Variants in TMEM116 observed in about 807,000 individuals in gnomAD.
TMEM116 encodes the protein transmembrane protein 116.
TMEM116 carries 38 observed loss-of-function variants against 44.3 expected under a neutral mutation model. The ratio of observed to expected loss-of-function variants is 0.86; its 90% CI spans 0.66 to 1.12. The LOEUF (loss-of-function observed/expected upper bound fraction) is 1.12, where lower values mean the gene tolerates loss of function less well. Among genes scored for constraint, TMEM116 ranks in the 50% most tolerant of loss-of-function variants. The pLI, the probability that TMEM116 is intolerant of heterozygous loss-of-function variation, is 0.00. For missense variants in TMEM116, 354 were observed against 401.7 expected (o/e 0.88, Z 1.01); for synonymous variants, 132 against 144.8 (o/e 0.91, Z 0.64).
At chr12:111,994,983 T>G (rs2076850235) in intron 3 of TMEM116, among the ~76,000 whole-genome samples, 1 of 152,226 alleles carries the variant, frequency 6.6e-6, no homozygotes, top group Non-Finnish European at 1.5e-5. Flanking sequence ...TCTGCTTTTC[T>G]GGGATAGTAA....
At chr12:111,944,138 C>T (rs1450921587) in intron 4 of TMEM116, among the ~76,000 whole-genome samples, 1 of 151,846 alleles carries the variant, frequency 6.6e-6, no homozygotes, top group African/African-American at 2.4e-5. Context: ...GAGATGATAT[C>T]AAGGAACTAG....
intron 2 of TMEM116, among the ~76,000 whole-genome samples, chr12:112,004,975 G>A (rs1352290475): frequency 6.6e-6 from 1 of 152,150 alleles, no homozygotes; most frequent in East Asian, 1.9e-4. Flanking sequence ...CCAATTTTTA[G>A]TATAGGTGCT....
In TMEM116 at chr12:111,938,205, T is replaced by C; in HGVS notation, c.321A>G (p.Ile107Met). The C allele has an allele frequency of 1.3e-6, 2 of 1,584,878 alleles. No individual in the cohort carries two copies. Among genetic ancestry groups the C allele is most frequent in the South Asian group, 2.4e-5 (2 of 84,802 alleles). ...QSGQSTSPLV[I>M]DYTCRVCQMA... ...TTTGACAAACTCGACAAGTATAATC[T>C]ATCACCTGTGAAAAGAATAAATGTG... is the stretch of plus-strand genomic sequence containing the variant. Residue 107 changes from isoleucine to methionine, a missense_variant, in exon 6 of 11, where the codon ATA becomes ATG. Physicochemically the swap from Ile to Met is conservative, Grantham distance 10. Transcript: ENST00000552374.
chr12:111,992,426 C>T (rs1307032231), intron 3 of TMEM116, among the ~76,000 whole-genome samples: 3 of 152,072 alleles, frequency 2.0e-5, no homozygotes, highest in African/African-American at 4.8e-5. Context: ...CCCAGCACCA[C>T]GCCTGGCTAA....
chr12:111,964,953 A>C (rs1339996382), intron 4 of TMEM116, among the ~76,000 whole-genome samples: 1 of 152,108 alleles, frequency 6.6e-6, no homozygotes, highest in East Asian at 1.9e-4. Context: ...TCAGCCTCTC[A>C]AAGTGCTGAG....
At chr12:111,964,809 T>TCCTGAGTAGCTGGGACCACAGGTG (rs2074874746) in intron 4 of TMEM116, among the ~76,000 whole-genome samples, 1 of 152,102 alleles carries the variant, frequency 6.6e-6, no homozygotes, top group African/African-American at 2.4e-5. Flanking sequence ...CACTTCAGCC[T>TCCTGAGTAGCTGGGACCACAGGTG]CCTGAGTAGC....
intron 1 of TMEM116, among the ~76,000 whole-genome samples, chr12:112,006,498 A>C (rs985944870): frequency 6.6e-6 from 1 of 152,258 alleles, no homozygotes; most frequent in African/African-American, 2.4e-5. Flanking sequence ...TACTAGTGAA[A>C]AGCTGAGGTG....
At chr12:111,981,586 C>T (rs1224988359) in intron 4 of TMEM116, among the ~76,000 whole-genome samples, 2 of 152,122 alleles carry the variant, frequency 1.3e-5, no homozygotes, top group Non-Finnish European at 2.9e-5. Flanking sequence ...GCCTCAAAGA[C>T]AGCATATGTC....
intron 3 of TMEM116, among the ~76,000 whole-genome samples, chr12:112,000,405 TAA>T (rs755068818): frequency 2.0e-5 from 3 of 152,152 alleles, no homozygotes; most frequent in Non-Finnish European, 4.4e-5. Flanking sequence ...AAAATAACTT[TAA>T]AAACAGAAAC....
intron 4 of TMEM116, among the ~76,000 whole-genome samples, chr12:111,969,520 G>A (rs1265138764): frequency 2.6e-5 from 4 of 151,542 alleles, no homozygotes; most frequent in Admixed American, 1.3e-4. Flanking sequence ...TCAGCCTCCC[G>A]AATAGGTGGG....
At chr12:111,969,009 A>AAAAAG (rs1555217111) in intron 4 of TMEM116, among the ~76,000 whole-genome samples, 10 of 150,288 alleles carry the variant, frequency 6.7e-5, no homozygotes, top group South Asian at 4.2e-4. Flanking sequence ...AAAAAAAAAA[A>AAAAAG]AAAAGAAAAG....
intron 4 of TMEM116, among the ~76,000 whole-genome samples, chr12:111,990,686 C>T (rs934218800): frequency 6.6e-6 from 1 of 152,086 alleles, no homozygotes; most frequent in Non-Finnish European, 1.5e-5. Flanking sequence ...TTTCACACTG[C>T]GTGTCTCAGA....
chr12:111,991,129 G>C (rs1207566435), intron 4 of TMEM116, among the ~76,000 whole-genome samples: 2 of 143,292 alleles, frequency 1.4e-5, no homozygotes, highest in African/African-American at 5.2e-5. Context: ...TGAGGCAAGA[G>C]AATTGCTTGA....
intron 8 of TMEM116, chr12:111,935,162 T>G (rs1253974710): frequency 6.6e-6 from 1 of 152,342 alleles, no homozygotes; most frequent in East Asian, 1.9e-4. Flanking sequence ...TGGCACGATC[T>G]CAGCTCACTG....
chr12:111,996,545 A>G (rs2076937296), intron 3 of TMEM116, among the ~76,000 whole-genome samples: 1 of 152,206 alleles, frequency 6.6e-6, no homozygotes, highest in Non-Finnish European at 1.5e-5. Context: ...TATTAACGGG[A>G]ACAAAAAGCA....
chr12:111,943,040 GC>G (rs1041912402), intron 5 of TMEM116, among the ~76,000 whole-genome samples: 1 of 151,522 alleles, frequency 6.6e-6, no homozygotes, highest in Non-Finnish European at 1.5e-5. Flanking sequence ...TCCCACTTCA[GC>G]CCCCGGAGTA....
chr12:111,978,249 AAGTT>A (rs2075772265), intron 4 of TMEM116, among the ~76,000 whole-genome samples: 2 of 151,936 alleles, frequency 1.3e-5, no homozygotes, highest in South Asian at 4.2e-4. Context: ...AAAATACAAA[AAGTT>A]AGCCAGGCAT....
intron 4 of TMEM116, among the ~76,000 whole-genome samples, chr12:111,985,746 A>G (rs535196552): frequency 6.6e-6 from 1 of 152,036 alleles, no homozygotes; most frequent in Non-Finnish European, 1.5e-5. Flanking sequence ...ATAGGCGCAC[A>G]CCACCACACC....
intron 1 of TMEM116, chr12:112,011,116 G>A (rs1375917674): frequency 3.3e-5 from 5 of 152,296 alleles, no homozygotes; most frequent in African/African-American, 1.2e-4. Context: ...GCAGTAGGGT[G>A]TCTTGCTGGT....
Sources: gnomAD v4.1 joint callset for allele counts (sites outside exome capture counted in the v4.1 genomes callset) on GRCh38, gnomAD v4.1.1 for gene constraint, MANE v1.5 for transcripts, NCBI Gene and HGNC (gene_info 2026-07-23, HGNC 2026-07-21) for gene names.